The following AURKC variants were observed in gnomAD, a reference collection of about 807,000 sequenced individuals.
AURKC encodes the protein ARK-3.
In AURKC, 15 loss-of-function variants were observed where a neutral mutation model predicts 29.2. The observed-to-expected ratio is 0.51, with a 90% CI of 0.34 to 0.79. AURKC has a LOEUF of 0.79. Among genes scored for constraint, AURKC ranks in the 30% least tolerant of loss-of-function variants. AURKC has a pLI of 0.01. For missense variants in AURKC, 332 were observed against 383.2 expected (o/e 0.87, Z 1.12); for synonymous variants, 150 against 149.9 (o/e 1.00, Z -0.01).
rs1190287357 is a variant in AURKC at position 57,235,247 on chromosome 19, G to A, written c.760G>A (p.Val254Ile). Residue 254 changes from valine to isoleucine, a missense_variant and splice_region_variant, in exon 7 of 7, where the codon GTA becomes ATA. By Grantham distance (29) the Val-to-Ile change is conservative. Coordinates refer to ENST00000302804, the MANE Select transcript of AURKC (RefSeq NM_001015878.2). ...CTTTCTTCTTTCCTGGCCTCATCAG[G>A]TAGATGTGAGGTTTCCACTATCAAT... ...HSETYRRILK[V>I]DVRFPLSMPL... The A allele has an allele frequency of 1.9e-6, 3 of 1,614,202 alleles. No homozygotes were observed. The highest frequency in any genetic ancestry group is 2.5e-6 in the Non-Finnish European group (3 of 1,180,036).
At position 57,235,464 on chromosome 19, in the gene AURKC, T is replaced by G. The variant is rs778747387; in HGVS notation, c.*47T>G. 29 of 1,605,898 alleles carry G rather than the reference T, an allele frequency of 1.8e-5. No homozygotes were observed. Among genetic ancestry groups the G allele is most frequent in the Non-Finnish European group, 2.4e-5 (28 of 1,174,394 alleles). On this transcript the variant is annotated 3_prime_UTR_variant, in exon 7 of 7. Coordinates refer to ENST00000302804, the MANE Select transcript of AURKC (RefSeq NM_001015878.2). ...TTTGTGTGTGTTCAGGGAGCTCTCC[T>G]GGCTCTGCCACCTCATTTGTCTTTA...
intron 6 of AURKC, 25 bp from the exon 7 acceptor site, chr19:57,235,222 C>A (rs2087534619): frequency 6.2e-7 from 1 of 1,614,000 alleles, no homozygotes; most frequent in African/African-American, 1.3e-5. Flanking sequence ...CCAGACTTCT[C>A]TTTCTTCTTT....
chr19:57,233,316 A>G, intron 4 of AURKC, 144 bp from the exon 5 acceptor site: 1 of 1,179,684 alleles, frequency 8.5e-7, no homozygotes, highest in Non-Finnish European at 1.3e-6. Context: ...ACACACCAGT[A>G]ACTGGTGCAA....
In AURKC at chr19:57,232,163, A is replaced by G. The variant is rs61736320; in HGVS notation, c.235A>G (p.Ile79Val). 3.3e-4 allele frequency: 539 copies of G among 1,614,124 alleles called. 3 individuals carry two copies. The African/African-American group carries it at 6.5e-3, about 19-fold the overall frequency. ...CCTGAAGGTTCTCTTCAAGTCGCAG[A>G]TAGAGAAGGAAGGACTGGAGCACCA... ...VALKVLFKSQIEKEGLEHQLR... is the reference protein window; with the variant it reads ...VALKVLFKSQVEKEGLEHQLR... The change falls in exon 3 of 7, where the codon ATA becomes GTA. Residue 79 changes from isoleucine (I) to valine (V), a missense_variant. Coordinates refer to ENST00000302804, the MANE Select transcript of AURKC (RefSeq NM_001015878.2). The surrounding 1 kb of genome is among the most constrained non-coding windows in gnomAD (Gnocchi z 4.5).
chr19:57,232,112 C>T lies in AURKC; in HGVS notation c.184C>T (p.Leu62Phe), dbSNP rs886054645. The change falls in exon 3 of 7, where the codon CTC becomes TTC. Residue 62 changes from leucine to phenylalanine, a missense_variant. Physicochemically the swap from Leu to Phe is conservative, Grantham distance 22. Transcript: ENST00000302804. The surrounding 1 kb of genome is among the most constrained non-coding windows in gnomAD (Gnocchi z 4.5). ...ATTTGGGAATGTGTACCTGGCTCGG[C>T]TCAAGGAAAGCCATTTCATTGTGGC... is the stretch of plus-strand genomic sequence containing the variant. ...GKFGNVYLAR[L>F]KESHFIVALK... 1 of 1,614,094 alleles carries T rather than the reference C, an allele frequency of 6.2e-7. No individual in the cohort carries two copies. Among genetic ancestry groups the T allele is most frequent in the Admixed American group, 1.7e-5 (1 of 60,002 alleles).
In AURKC at chr19:57,232,101, A is replaced by G; in HGVS notation, c.173A>G (p.Tyr58Cys). 1 of 1,614,094 alleles carries G rather than the reference A, an allele frequency of 6.2e-7. No individual in the cohort carries two copies. The highest frequency in any genetic ancestry group is 8.5e-7 in the Non-Finnish European group (1 of 1,180,020). ...GGCAAGGGGAAATTTGGGAATGTGT[A>G]CCTGGCTCGGCTCAAGGAAAGCCAT... is the stretch of plus-strand genomic sequence containing the variant. ...PLGKGKFGNV[Y>C]LARLKESHFI... The change falls in exon 3 of 7, where the codon TAC (tyrosine) becomes TGC (cysteine). Residue 58 changes from tyrosine to cysteine, a missense_variant. By Grantham distance (194) the Tyr-to-Cys change is radical. Coordinates refer to ENST00000302804, the MANE Select transcript of AURKC (RefSeq NM_001015878.2). This position sits in a 1 kb window ranked among gnomAD's most constrained non-coding sequence, Gnocchi z 4.5.
intron 1 of AURKC, 83 bp from the exon 2 acceptor site, chr19:57,231,659 A>G: frequency 2.0e-6 from 3 of 1,475,124 alleles, no homozygotes; most frequent in Non-Finnish European, 1.9e-6. Context: ...TCCCTTCTCT[A>G]CTGTTCTCCT....
chr19:57,235,127 A>T (rs2087533824), intron 6 of AURKC, 69 bp downstream of exon 6: 13 of 1,611,092 alleles, frequency 8.1e-6, no homozygotes, highest in Non-Finnish European at 2.5e-6. Context: ...GTGGGCACAC[A>T]CACACACAGG....
Position 57,235,429 on chromosome 19 carries a change from C to T in AURKC, c.*12C>T. On this transcript the variant is annotated 3_prime_UTR_variant, in exon 7 of 7. Transcript: ENST00000302804. Reference sequence around the variant, plus strand: ...AGATGGCTTCCTGAGCCCTGTCTGCCTCTGTTCCCTTTGTGTGTGTTCAGG... The same window carrying T: ...AGATGGCTTCCTGAGCCCTGTCTGCTTCTGTTCCCTTTGTGTGTGTTCAGG... 2 of 1,613,248 alleles carry T rather than the reference C, an allele frequency of 1.2e-6. No individual in the cohort carries two copies. Among genetic ancestry groups the T allele is most frequent in the Non-Finnish European group, 1.7e-6 (2 of 1,180,004 alleles).
Position 57,232,879 on chromosome 19 carries a change from G to C in AURKC, c.435+199G>C, listed in dbSNP as rs1425455106. ...CCTAATTAACCTCATTGTATCTCCA[G>C]AATATTAATAAGTACTGCGTATAGG... On this transcript the variant is annotated intron_variant, in intron 4 of 6. Coordinates refer to ENST00000302804, the MANE Select transcript of AURKC (RefSeq NM_001015878.2). The surrounding 1 kb of genome is among the most constrained non-coding windows in gnomAD (Gnocchi z 4.5). 6.6e-6 allele frequency among the ~76,000 whole-genome samples: 1 copy of C among 152,162 alleles called. No individual in the cohort carries two copies. The highest frequency in any genetic ancestry group is 1.5e-5 in the Non-Finnish European group (1 of 68,036).
At position 57,235,257 on chromosome 19, in the gene AURKC, G is replaced by A. The variant is rs147392532; in HGVS notation, c.770G>A (p.Arg257Lys). 6.2e-7 allele frequency: 1 copy of A among 1,614,218 alleles called. No homozygotes were observed. The highest frequency in any genetic ancestry group is 2.2e-5 in the East Asian group (1 of 44,884). ...TYRRILKVDV[R>K]FPLSMPLGAR... The stretch of plus-strand genomic sequence containing the variant: ...TCCTGGCCTCATCAGGTAGATGTGA[G>A]GTTTCCACTATCAATGCCTCTGGGG... The change falls in exon 7 of 7, where the codon AGG (arginine) becomes AAG (lysine). Residue 257 changes from arginine to lysine, a missense_variant. Physicochemically the swap from Arg to Lys is conservative, Grantham distance 26. Coordinates refer to ENST00000302804, the MANE Select transcript of AURKC (RefSeq NM_001015878.2).
chr19:57,234,779 C>T, intron 5 of AURKC, 105 bp from the exon 6 acceptor site: 1 of 1,409,896 alleles, frequency 7.1e-7, no homozygotes, highest in Non-Finnish European at 9.8e-7. Context: ...AGGGACTTTC[C>T]AGGGTGTCCT....
chr19:57,231,781 C>A lies in AURKC; in HGVS notation c.98C>A (p.Pro33Gln), dbSNP rs1466497645. Residue 33 changes from proline to glutamine, a missense_variant, in exon 2 of 7, where the codon CCA (proline) becomes CAA (glutamine). Physicochemically the swap from Pro to Gln is moderately conservative, Grantham distance 76. Transcript: ENST00000302804. ...CAAACAGCCCAGCAGCCCAGCAGCC[C>A]AGCCATGTGAGTCCCTTGGGATTGG... ...ANQTAQQPSS[P>Q]AMRRLTVDDF... 3 of 1,613,982 alleles carry A rather than the reference C, an allele frequency of 1.9e-6. No individual in the cohort carries two copies. The South Asian group carries it at 3.3e-5, about 18-fold the overall frequency.
At chr19:57,234,601 C>G (rs181877764) in intron 5 of AURKC, among the ~76,000 whole-genome samples, 69 of 152,250 alleles carry the variant, frequency 4.5e-4, no homozygotes, top group African/African-American at 1.6e-3. Flanking sequence ...TCAGTTTGTT[C>G]TAGATCTTTC....
chr19:57,234,081 G>C (rs1278388871), intron 5 of AURKC, among the ~76,000 whole-genome samples: 3 of 121,274 alleles, frequency 2.5e-5, no homozygotes, highest in Non-Finnish European at 4.9e-5. Context: ...TTTTGAGACA[G>C]AGTTTTGCTC....
At position 57,234,833 on chromosome 19, in the gene AURKC, C is replaced by T. The variant is rs545282049; in HGVS notation, c.585-51C>T. The stretch of plus-strand genomic sequence containing the variant: ...TGAAAGCTGGGGAAGGAGAATTTCC[C>T]TCATCCTGGGCCTCTGCTTAGTACT... On this transcript the variant is annotated intron_variant, in intron 5 of 6. Transcript: ENST00000302804. The T allele has an allele frequency of 9.9e-6, 16 of 1,609,346 alleles. No homozygotes were observed. In the South Asian group the frequency reaches 1.5e-4, roughly 16 times the overall value.
chr19:57,232,679 C>T lies in AURKC; in HGVS notation c.434C>T (p.Thr145Met), dbSNP rs45503793. 19 of 1,613,200 alleles carry T rather than the reference C, an allele frequency of 1.2e-5. No homozygotes were observed. In the East Asian group the frequency reaches 4.0e-4, roughly 34 times the overall value. ...SEKLDEQRTA[T>M]IIEELADALT... ...AAATTAGATGAACAGCGCACAGCCACGGTGAGGTGCGGGTCTGGAGGCTCT... is the reference window on the plus strand; with the variant it reads ...AAATTAGATGAACAGCGCACAGCCATGGTGAGGTGCGGGTCTGGAGGCTCT... Residue 145 changes from threonine to methionine, a missense_variant and splice_region_variant, in exon 4 of 7, where the codon ACG (threonine) becomes ATG (methionine). Thr to Met is a moderately conservative substitution (Grantham distance 81). Coordinates refer to ENST00000302804, the MANE Select transcript of AURKC (RefSeq NM_001015878.2). This position sits in a 1 kb window ranked among gnomAD's most constrained non-coding sequence, Gnocchi z 4.5.
Position 57,231,047 on chromosome 19 carries a change from G to A in AURKC, c.-202G>A, listed in dbSNP as rs962952484. 3.1e-6 allele frequency: 4 copies of A among 1,287,324 alleles called. No individual in the cohort carries two copies. Among genetic ancestry groups the A allele is most frequent in the African/African-American group, 1.4e-5 (1 of 69,480 alleles). The allele number at this position is 1,287,324 out of a possible 1,614,324, so 79.7% of individuals were successfully genotyped here. A position where few individuals can be genotyped will look rare whatever the true frequency, so the allele number is the denominator to read the frequency against. ...TGAGCGGTTGGTGCCGGGTATAAAA[G>A]AAGGCCGCGCAGCCACGGCTGCTCA... On this transcript the variant is annotated 5_prime_UTR_variant, in exon 1 of 7. Coordinates refer to ENST00000302804, the MANE Select transcript of AURKC (RefSeq NM_001015878.2).
chr19:57,232,114 C>G lies in AURKC; in HGVS notation c.186C>G (p.Leu62=), dbSNP rs753258610. 5.6e-6 allele frequency: 9 copies of G among 1,613,980 alleles called. No homozygotes were observed. Among genetic ancestry groups the G allele is most frequent in the Middle Eastern group, 1.6e-4 (1 of 6,084 alleles). ...TTGGGAATGTGTACCTGGCTCGGCT[C>G]AAGGAAAGCCATTTCATTGTGGCCC... ...GKFGNVYLAR[L]KESHFIVALK... The change falls in exon 3 of 7, where the codon CTC becomes CTG. Residue 62 remains leucine, a synonymous_variant. Coordinates refer to ENST00000302804, the MANE Select transcript of AURKC (RefSeq NM_001015878.2). The surrounding 1 kb of genome is among the most constrained non-coding windows in gnomAD (Gnocchi z 4.5).
Sources: gnomAD v4.1 joint callset for allele counts (sites outside exome capture counted in the v4.1 genomes callset) on GRCh38, gnomAD v4.1.1 for gene constraint, Gnocchi (gnomAD v3.1) non-coding constraint, MANE v1.5 for transcripts, NCBI Gene and HGNC (gene_info 2026-07-23, HGNC 2026-07-21) for gene names.